The following CSMD3 variants were observed in gnomAD, a reference collection of about 807,000 sequenced individuals.
CSMD3 encodes the protein CUB and Sushi multiple domains 3.
CSMD3 carries 177 observed loss-of-function variants against 435.2 expected under a neutral mutation model. The ratio of observed to expected loss-of-function variants is 0.41; its 90% confidence interval spans 0.36 to 0.46. CSMD3 has a LOEUF of 0.46. Ranked by LOEUF, CSMD3 falls within the 20% of genes least tolerant of loss-of-function variation. The pLI is 0.34. For missense variants in CSMD3, 4,265 were observed against 4,504.6 expected, an observed-to-expected ratio of 0.95 and a Z score of 1.52; for synonymous variants, 1,656 against 1,520.5, an observed-to-expected ratio of 1.09 and a Z score of -2.07.
chr8:112,777,283 A>C (rs1305117942), intron 13 of CSMD3, among the ~76,000 whole-genome samples: 3 of 151,888 alleles, frequency 2.0e-5, no homozygotes, highest in Admixed American at 6.6e-5. Context: ...AAAGAAAAGT[A>C]GTATGTTTAA....
intron 3 of CSMD3, among the ~76,000 whole-genome samples, chr8:113,239,505 T>G (rs560043788): frequency 6.7e-6 from 1 of 149,838 alleles, no homozygotes; most frequent in Non-Finnish European, 1.5e-5. Flanking sequence ...GTTTTATCTA[T>G]CTATCTATCT....
intron 7 of CSMD3, among the ~76,000 whole-genome samples, chr8:112,972,590 A>G (rs1425523459): frequency 1.3e-5 from 2 of 151,972 alleles, no homozygotes; most frequent in African/African-American, 4.8e-5. Context: ...AACTGGTATT[A>G]TAACTGTGAC....
chr8:112,849,161 C>T (rs1342467958), intron 11 of CSMD3, among the ~76,000 whole-genome samples: 1 of 151,948 alleles, frequency 6.6e-6, no homozygotes, highest in Non-Finnish European at 1.5e-5. Flanking sequence ...ACCTCATATG[C>T]CTGTCTTTAT....
At chr8:112,267,726 T>C (rs1176364656) in intron 59 of CSMD3, among the ~76,000 whole-genome samples, 1 of 152,120 alleles carries the variant, frequency 6.6e-6, no homozygotes, top group Non-Finnish European at 1.5e-5. Flanking sequence ...GCGTTTATTT[T>C]ACAGATGCAC....
chr8:112,411,295 C>T (rs1811317972), intron 32 of CSMD3, among the ~76,000 whole-genome samples: 1 of 151,726 alleles, frequency 6.6e-6, no homozygotes, highest in Non-Finnish European at 1.5e-5. Context: ...AGGGCATGCT[C>T]TTTTAAGTGT....
At chr8:113,191,916 T>A (rs72687620) in intron 3 of CSMD3, among the ~76,000 whole-genome samples, 14,610 of 151,896 alleles carry the variant, frequency 0.096, 912 homozygotes, top group Middle Eastern at 0.17. Context: ...GCATCTGTTA[T>A]TTCTTGACTT....
chr8:112,442,854 C>T (rs1450615448), intron 32 of CSMD3, among the ~76,000 whole-genome samples: 2 of 152,166 alleles, frequency 1.3e-5, no homozygotes, highest in Non-Finnish European at 2.9e-5. Context: ...GAGTCAGATT[C>T]AAACATGCAG....
chr8:112,651,976 C>A (rs2131639819), intron 18 of CSMD3, among the ~76,000 whole-genome samples: 1 of 152,252 alleles, frequency 6.6e-6, no homozygotes, highest in East Asian at 1.9e-4. Flanking sequence ...CTCATCACCT[C>A]AAGTTTATGA....
chr8:113,287,219 A>G (rs999600666), intron 2 of CSMD3, among the ~76,000 whole-genome samples: 1 of 152,074 alleles, frequency 6.6e-6, no homozygotes, highest in Non-Finnish European at 1.5e-5. Context: ...CATTACTCAC[A>G]GTAAGACTTT....
At chr8:112,907,550 T>C (rs914793393) in intron 10 of CSMD3, among the ~76,000 whole-genome samples, 2 of 151,114 alleles carry the variant, frequency 1.3e-5, no homozygotes, top group African/African-American at 4.8e-5. Flanking sequence ...GAAAAGAAAT[T>C]AAAGAAAAAT....
intron 32 of CSMD3, among the ~76,000 whole-genome samples, chr8:112,449,838 T>C (rs1230511016): frequency 6.6e-6 from 1 of 152,164 alleles, no homozygotes. Flanking sequence ...TTCTCCTGCC[T>C]CAGCCTCCCG....
At chr8:113,333,158 T>C (rs1035622711) in intron 1 of CSMD3, among the ~76,000 whole-genome samples, 1 of 151,708 alleles carries the variant, frequency 6.6e-6, no homozygotes, top group African/African-American at 2.4e-5. Flanking sequence ...ATTTGAAAGG[T>C]TGTATATATT....
chr8:112,488,960 T>G (rs568314148), intron 31 of CSMD3, among the ~76,000 whole-genome samples: 3 of 152,304 alleles, frequency 2.0e-5, no homozygotes, highest in African/African-American at 7.2e-5. Context: ...AGATGACCAT[T>G]GCTTTAAATA....
intron 32 of CSMD3, among the ~76,000 whole-genome samples, chr8:112,472,031 G>A (rs1818570066): frequency 6.6e-6 from 1 of 152,148 alleles, no homozygotes; most frequent in African/African-American, 2.4e-5. Context: ...AGGACACATT[G>A]TCTTCTTAGT....
intron 64 of CSMD3, among the ~76,000 whole-genome samples, chr8:112,245,489 CA>C (rs575519265): frequency 2.6e-5 from 4 of 152,112 alleles, no homozygotes; most frequent in Non-Finnish European, 4.4e-5. Flanking sequence ...TAATAGCTAA[CA>C]TTTTTTTACT....
intron 7 of CSMD3, among the ~76,000 whole-genome samples, chr8:112,971,309 T>C (rs1294207723): frequency 1.3e-5 from 2 of 152,138 alleles, no homozygotes; most frequent in Non-Finnish European, 2.9e-5. Flanking sequence ...AACCATCCTA[T>C]GACACAGGTG....
At chr8:112,562,907 ATTTCCTT>A (rs1163319700) in intron 24 of CSMD3, among the ~76,000 whole-genome samples, 1 of 151,736 alleles carries the variant, frequency 6.6e-6, no homozygotes, top group East Asian at 2.0e-4. Context: ...TACTTTCCCA[ATTTCCTT>A]TTTAACAATC....
chr8:112,282,408 A>AT (rs1818745478), intron 58 of CSMD3, among the ~76,000 whole-genome samples: 1 of 152,098 alleles, frequency 6.6e-6, no homozygotes, highest in South Asian at 2.1e-4. Context: ...TTCTAAATGC[A>AT]TTAGTGCCTG....
At chr8:113,128,309 G>C (rs770023932) in intron 4 of CSMD3, among the ~76,000 whole-genome samples, 1 of 151,864 alleles carries the variant, frequency 6.6e-6, no homozygotes, top group Non-Finnish European at 1.5e-5. Context: ...AGAAAGGAAG[G>C]TAGGAAGGCA....
Sources: allele counts gnomAD v4.1 joint callset (sites outside exome capture counted in the v4.1 genomes callset), GRCh38; gene constraint gnomAD v4.1.1; transcripts MANE v1.5; gene names NCBI Gene and HGNC (gene_info 2026-07-23, HGNC 2026-07-21).